The following ZKSCAN2 variants were observed in gnomAD, a reference collection of about 807,000 sequenced individuals.
The protein encoded by ZKSCAN2 is zinc finger with KRAB and SCAN domains 2.
In ZKSCAN2, 38 loss-of-function variants were observed where a neutral mutation model predicts 90.5. That is an observed-to-expected ratio of 0.42 (90% CI 0.32 to 0.55). ZKSCAN2 has a LOEUF of 0.55. Among genes scored for constraint, ZKSCAN2 ranks in the 20% least tolerant of loss-of-function variants. The probability of loss-of-function intolerance (pLI) is 0.11; values close to 1 mark genes in which losing one functional copy is unlikely to be tolerated. For missense variants in ZKSCAN2, 1,167 were observed against 1,202.6 expected (o/e 0.97, Z 0.44); for synonymous variants, 429 against 421.6 (o/e 1.02, Z -0.22).
At position 25,257,386 on chromosome 16, in the gene ZKSCAN2, GCATCCCTCTTAGTGCAAAGT is replaced by G; in HGVS notation, c.-279_-260del. The G allele has an allele frequency of 8.2e-7, 1 of 1,213,920 alleles. No individual in the cohort carries two copies. Among genetic ancestry groups the G allele is most frequent in the South Asian group, 3.4e-5 (1 of 29,710 alleles). The allele number at this position is 1,213,920 out of a possible 1,614,324, so 75.2% of individuals were successfully genotyped here. A position where few individuals can be genotyped will look rare whatever the true frequency, so the allele number is the denominator to read the frequency against. On this transcript the variant is annotated 5_prime_UTR_variant, in exon 1 of 7. It removes an upstream start codon present in the reference 5' UTR. Coordinates refer to ENST00000328086, the MANE Select transcript of ZKSCAN2 (RefSeq NM_001012981.5). Reference sequence around the variant, plus strand: ...ACCGCGCAATGTGGTTTTCCAGAGTGCATCCCTCTTAGTGCAAAGTCGGAAACCGGGAGGCTGGACGACTG... The same window carrying G: ...ACCGCGCAATGTGGTTTTCCAGAGTGCGGAAACCGGGAGGCTGGACGACTG...
intron 4 of ZKSCAN2, among the ~76,000 whole-genome samples, chr16:25,249,792 C>A (rs887739674): frequency 2.0e-5 from 3 of 152,084 alleles, no homozygotes; most frequent in African/African-American, 7.2e-5. Context: ...ATTAGGGAGG[C>A]TCCTCAAAAA....
chr16:25,257,204 T>C lies in ZKSCAN2; in HGVS notation c.-77A>G. 1 of 1,515,022 alleles carries C rather than the reference T, an allele frequency of 6.6e-7. No individual in the cohort carries two copies. Among genetic ancestry groups the C allele is most frequent in the Non-Finnish European group, 8.8e-7 (1 of 1,137,714 alleles). 93.8% of individuals were successfully genotyped at this position (1,515,022 alleles called of 1,614,324 possible). A position where few individuals can be genotyped will look rare whatever the true frequency, so the allele number is the denominator to read the frequency against. On this transcript the variant is annotated 5_prime_UTR_variant, in exon 1 of 7. Coordinates refer to ENST00000328086, the MANE Select transcript of ZKSCAN2 (RefSeq NM_001012981.5). ...AAGACTCCAAGCGCTCCCTGCTTAA[T>C]GTTCCTGGGAGTGTGATAAGGTACG...
intron 4 of ZKSCAN2, among the ~76,000 whole-genome samples, chr16:25,250,859 C>T (rs549057125): frequency 1.3e-5 from 2 of 152,224 alleles, no homozygotes; most frequent in Admixed American, 1.3e-4. Context: ...TGGGTTCAAG[C>T]TATTCTCCTG....
At chr16:25,253,743 C>T (rs1269784081) in intron 2 of ZKSCAN2, among the ~76,000 whole-genome samples, 1 of 152,224 alleles carries the variant, frequency 6.6e-6, no homozygotes, top group Non-Finnish European at 1.5e-5. Context: ...TGTGGTGGCT[C>T]ACGCCTGTAA....
rs1189713151 is a variant in ZKSCAN2 at position 25,257,073 on chromosome 16, G to C, written c.55C>G (p.Leu19Val). The C allele has an allele frequency of 1.2e-6, 2 of 1,613,780 alleles. No homozygotes were observed. The highest frequency in any genetic ancestry group is 2.2e-5 in the East Asian group (1 of 44,876). Residue 19 changes from leucine (L) to valine (V), a missense_variant, in exon 1 of 7, where the codon CTA becomes GTA. Transcript: ENST00000328086. ...IDAPLEVEGC[L>V]IMKVEKDPEW... ...GGGTCCTTTTCCACCTTCATTATTA[G>C]GCATCCCTCAACCTCCAGGGGCGCG...
Position 25,239,951 on chromosome 16 carries a change from AC to A in ZKSCAN2, c.2768del (p.Arg923LeufsTer16). On this transcript the variant is annotated frameshift_variant, in exon 7 of 7. Transcript: ENST00000328086. LOFTEE classifies it low-confidence loss of function (END_TRUNC). ...KPYGCAQCGK[R>X]FSKSSVLTKH... is the part of the protein sequence containing the mutation. ...TGGTAAGAACAGAACTCTTACTGAA[AC>A]GTTTGCCACACTGGGCACATCCATA... is the stretch of plus-strand genomic sequence containing the variant. The A allele has an allele frequency of 6.2e-7, 1 of 1,614,142 alleles. No individual in the cohort carries two copies. Among genetic ancestry groups the A allele is most frequent in the South Asian group, 1.1e-5 (1 of 91,076 alleles).
Position 25,246,838 on chromosome 16 carries a change from C to T in ZKSCAN2, c.1358G>A (p.Ser453Asn), listed in dbSNP as rs1275959581. 3.7e-6 allele frequency: 6 copies of T among 1,614,108 alleles called. No individual in the cohort carries two copies. Among genetic ancestry groups the T allele is most frequent in the Non-Finnish European group, 5.1e-6 (6 of 1,180,040 alleles). The change falls in exon 5 of 7, where the codon AGT becomes AAT. Residue 453 changes from serine (S) to asparagine (N), a missense_variant. Coordinates refer to ENST00000328086, the MANE Select transcript of ZKSCAN2 (RefSeq NM_001012981.5). Reference protein sequence around the residue: ...PVPRLKRIAISAKEHISLVEE... With the variant: ...PVPRLKRIAINAKEHISLVEE... ...CACCAAGCTGATGTGTTCCTTAGCA[C>T]TGATGGCAATTCTCTTCAGTCTGGG...
At chr16:25,255,156 A>G in intron 2 of ZKSCAN2, 50 bp downstream of exon 2, 1 of 1,534,968 alleles carries the variant, frequency 6.5e-7, no homozygotes, top group South Asian at 1.3e-5. Flanking sequence ...GGTACTGCGG[A>G]AATCTGCCCC....
rs780230737 is a variant in ZKSCAN2, at chr16:25,240,021, G to A, written c.2699C>T (p.Thr900Met). 1.6e-5 allele frequency: 26 copies of A among 1,613,856 alleles called. No homozygotes were observed. Among genetic ancestry groups the A allele is most frequent in the Middle Eastern group, 1.6e-4 (1 of 6,082 alleles). The stretch of plus-strand genomic sequence containing the variant: ...TATTCTCCGATGTTCTCGAAATCTC[G>A]TACAGTTATTGAAACTTTTTTCACA... ...VDCEKSFNNC[T>M]RFREHRRIHT... is the part of the protein sequence containing the mutation. Residue 900 changes from threonine (T) to methionine (M), a missense_variant, in exon 7 of 7, where the codon ACG (threonine) becomes ATG (methionine). Coordinates refer to ENST00000328086, the MANE Select transcript of ZKSCAN2 (RefSeq NM_001012981.5).
Position 25,247,140 on chromosome 16 carries a change from C to T in ZKSCAN2, c.1056G>A (p.Leu352=). The T allele has an allele frequency of 6.2e-7, 1 of 1,614,128 alleles. No individual in the cohort carries two copies. ...HWSYEETKTF[L]AILKESRFYE... is the part of the protein sequence containing the mutation. ...AAAAGCGAGACTCTTTGAGAATTGC[C>T]AGGAAAGTCTTTGTTTCCTCATAGC... The change falls in exon 5 of 7, where the codon CTG becomes CTA. Residue 352 remains leucine (L), a synonymous_variant. Transcript: ENST00000328086.
chr16:25,256,084 CCTG>C (rs1289965379), intron 1 of ZKSCAN2, among the ~76,000 whole-genome samples: 1 of 152,088 alleles, frequency 6.6e-6, no homozygotes, highest in Non-Finnish European at 1.5e-5. Flanking sequence ...AATACAGCAA[CCTG>C]CTGATAGATC....
intron 4 of ZKSCAN2, among the ~76,000 whole-genome samples, chr16:25,250,976 G>C (rs1963011966): frequency 6.6e-6 from 1 of 152,062 alleles, no homozygotes; most frequent in Non-Finnish European, 1.5e-5. Context: ...TGCTGGTGTT[G>C]AACTCCTGAC....
chr16:25,244,283 T>C lies in ZKSCAN2; in HGVS notation c.1490-7A>G, dbSNP rs746558644. On this transcript the variant is annotated splice_region_variant and splice_polypyrimidine_tract_variant and intron_variant, in intron 5 of 6. Transcript: ENST00000328086. ...TCATAGCCCCAGTGCACGCCTGCCA[T>C]TTGGGGATAAAGTTCACAATGTAAC... The C allele has an allele frequency of 1.7e-5, 28 of 1,608,156 alleles. No homozygotes were observed. The highest frequency in any genetic ancestry group is 3.4e-5 in the Admixed American group (2 of 59,424).
chr16:25,245,146 C>G (rs1387631850), intron 5 of ZKSCAN2, among the ~76,000 whole-genome samples: 3 of 152,146 alleles, frequency 2.0e-5, no homozygotes, highest in Non-Finnish European at 2.9e-5. Flanking sequence ...AGTCTGTTGC[C>G]CAGGCTGGAC....
At chr16:25,245,786 A>T (rs1962924879) in intron 5 of ZKSCAN2, among the ~76,000 whole-genome samples, 1 of 152,048 alleles carries the variant, frequency 6.6e-6, no homozygotes, top group South Asian at 2.1e-4. Flanking sequence ...AAAAAAAAAA[A>T]AGAATTTATC....
chr16:25,255,534 G>A, intron 1 of ZKSCAN2, 142 bp from the exon 2 acceptor site: 2 of 868,650 alleles, frequency 2.3e-6, no homozygotes, highest in Non-Finnish European at 3.5e-6. Flanking sequence ...GTCTCTGAGA[G>A]CGCTGGGCTG....
At position 25,247,291 on chromosome 16, in the gene ZKSCAN2, C is replaced by T. The variant is rs138595438; in HGVS notation, c.905G>A (p.Arg302Gln). ...LHSSNKRSIL[R>Q]SNYVKEKSVH... ...TGACTTTTCCTTGACGTAGTTGCTT[C>T]GTAGGATACTTCTCTTGTTAGAGGA... The change falls in exon 5 of 7, where the codon CGA becomes CAA. Residue 302 changes from arginine (R) to glutamine (Q), a missense_variant. Physicochemically the swap from Arg to Gln is conservative, Grantham distance 43 (BLOSUM62 1). Coordinates refer to ENST00000328086, the MANE Select transcript of ZKSCAN2 (RefSeq NM_001012981.5). The T allele has an allele frequency of 1.2e-5, 19 of 1,614,182 alleles. No individual in the cohort carries two copies. In the African/African-American group the frequency reaches 1.6e-4, roughly 14 times the overall value.
At chr16:25,256,491 G>A (rs1567355254) in intron 1 of ZKSCAN2, among the ~76,000 whole-genome samples, 3 of 152,092 alleles carry the variant, frequency 2.0e-5, no homozygotes, top group South Asian at 2.1e-4. Context: ...GGTGAATAAT[G>A]TCTGGTTTCC....
Position 25,251,886 on chromosome 16 carries a change from T to C in ZKSCAN2, c.805+23A>G, listed in dbSNP as rs748577290. The C allele has an allele frequency of 2.5e-6, 4 of 1,612,302 alleles. No individual in the cohort carries two copies. The African/African-American group carries it at 4.0e-5, about 16-fold the overall frequency. ...CATTAGAAAGCTCCAAGTCTTATATTTGGAAAGGGAAGGAATCCTTACCCA... is the reference window on the plus strand; with the variant it reads ...CATTAGAAAGCTCCAAGTCTTATATCTGGAAAGGGAAGGAATCCTTACCCA... On this transcript the variant is annotated intron_variant, in intron 4 of 6. Coordinates refer to ENST00000328086, the MANE Select transcript of ZKSCAN2 (RefSeq NM_001012981.5).
Sources: allele counts gnomAD v4.1 joint callset (sites outside exome capture counted in the v4.1 genomes callset), GRCh38; gene constraint gnomAD v4.1.1; transcripts MANE v1.5; gene names NCBI Gene and HGNC (gene_info 2026-07-23, HGNC 2026-07-21).